Variants in RBFOX1 observed in about 807,000 individuals in gnomAD.
RBFOX1 encodes RNA binding protein fox-1 homolog 1.
RBFOX1 carries 8 observed loss-of-function variants against 57.7 expected under a neutral mutation model. The ratio of observed to expected loss-of-function variants is 0.14; its 90% CI spans 0.08 to 0.25. The LOEUF (loss-of-function observed/expected upper bound fraction) is 0.25, where lower values mean the gene tolerates loss of function less well. Ranked by LOEUF, RBFOX1 falls within the 10% of genes least tolerant of loss-of-function variation. The pLI is 1.00. For missense variants in RBFOX1, 611 were observed against 548.5 expected (o/e 1.11, Z -1.14); for synonymous variants, 326 against 222.4 (o/e 1.47, Z -4.15).
intron 3 of RBFOX1, among the ~76,000 whole-genome samples, chr16:6,837,888 C>T (rs796490629): frequency 1.1e-4 from 17 of 152,182 alleles, no homozygotes; most frequent in African/African-American, 3.9e-4. Context: ...AAAGCATGCC[C>T]AACAGCAACA....
intron 1 of RBFOX1, among the ~76,000 whole-genome samples, chr16:6,085,335 C>T (rs566307781): frequency 2.0e-5 from 3 of 152,304 alleles, no homozygotes; most frequent in East Asian, 1.9e-4. Context: ...TGCAGTGGTA[C>T]GATCTTGGCT....
At chr16:7,000,308 C>G (rs1435304818) in intron 3 of RBFOX1, among the ~76,000 whole-genome samples, 2 of 152,020 alleles carry the variant, frequency 1.3e-5, no homozygotes, top group South Asian at 4.1e-4. Context: ...GAAATTTAAA[C>G]ATGATCGATA....
intron 3 of RBFOX1, among the ~76,000 whole-genome samples, chr16:6,747,749 T>G (rs1435452496): frequency 6.6e-6 from 1 of 152,166 alleles, no homozygotes; most frequent in Non-Finnish European, 1.5e-5. Flanking sequence ...GACAGCAACT[T>G]GTGCAAAGAG....
intron 1 of RBFOX1, among the ~76,000 whole-genome samples, chr16:6,118,739 GTCCT>G (rs57245932): frequency 0.015 from 1,868 of 120,840 alleles, 35 homozygotes; most frequent in African/African-American, 0.056. Context: ...CTCTCTCTCT[GTCCT>G]TCCTTCCTTC....
intron 3 of RBFOX1, among the ~76,000 whole-genome samples, chr16:7,033,394 C>G (rs1322539493): frequency 6.6e-6 from 1 of 152,196 alleles, no homozygotes; most frequent in Non-Finnish European, 1.5e-5. Flanking sequence ...ATGGCACATG[C>G]CTGTAATCCC....
chr16:6,284,028 A>G (rs2076651693), intron 1 of RBFOX1, among the ~76,000 whole-genome samples: 1 of 152,150 alleles, frequency 6.6e-6, no homozygotes, highest in Non-Finnish European at 1.5e-5. Context: ...ATGGATGGAG[A>G]GAAAGGGCTT....
intron 1 of RBFOX1, among the ~76,000 whole-genome samples, chr16:5,362,762 T>TA (rs150081047): frequency 0.013 from 2,053 of 152,276 alleles, 42 homozygotes; most frequent in African/African-American, 0.046. Flanking sequence ...GTTTGACTGT[T>TA]AGAGAGTCAT....
At chr16:6,975,384 G>C (rs2086603039) in intron 3 of RBFOX1, among the ~76,000 whole-genome samples, 1 of 152,102 alleles carries the variant, frequency 6.6e-6, no homozygotes, top group Admixed American at 6.5e-5. Flanking sequence ...TCCTGCCTCA[G>C]CCTCCCAAGT....
intron 2 of RBFOX1, among the ~76,000 whole-genome samples, chr16:5,471,572 C>G (rs1025766792): frequency 1.3e-5 from 2 of 152,054 alleles, no homozygotes; most frequent in African/African-American, 4.8e-5. Flanking sequence ...GGTGCCCACC[C>G]CCGGAGAACC....
intron 4 of RBFOX1, among the ~76,000 whole-genome samples, chr16:7,261,853 C>A (rs2094931419): frequency 6.6e-6 from 1 of 152,152 alleles, no homozygotes; most frequent in Non-Finnish European, 1.5e-5. Context: ...GTCTTGGATT[C>A]ATTTGTTCAG....
rs1491466091 is a variant in RBFOX1 at position 6,019,703 on chromosome 16, A to AG, written c.-415dup. The AG allele has an allele frequency of 5.9e-6, 8 of 1,345,312 alleles. No individual in the cohort carries two copies. The highest frequency in any genetic ancestry group is 7.6e-6 in the Non-Finnish European group (8 of 1,048,352). 83.3% of individuals were successfully genotyped at this position (1,345,312 alleles called of 1,614,324 possible). A position where few individuals can be genotyped will look rare whatever the true frequency, so the allele number is the denominator to read the frequency against. Reference sequence around the variant, plus strand: ...AGAACTCCGAGCTTCTTGCCCAGGCAGAGAGAGCAGGAGCGGACCGCGCGC... The same window carrying AG: ...AGAACTCCGAGCTTCTTGCCCAGGCAGGAGAGAGCAGGAGCGGACCGCGCGC... On this transcript the variant is annotated 5_prime_UTR_variant, in exon 1 of 16. Transcript: ENST00000550418. The surrounding 1 kb of genome is among the most constrained non-coding windows in gnomAD (Gnocchi z 4.2).
chr16:5,569,883 A>C (rs1278289817), intron 2 of RBFOX1, among the ~76,000 whole-genome samples: 1 of 152,196 alleles, frequency 6.6e-6, no homozygotes, highest in Non-Finnish European at 1.5e-5. Context: ...CTGCGACATA[A>C]GAAGATCCTA....
intron 3 of RBFOX1, among the ~76,000 whole-genome samples, chr16:5,699,171 A>G (rs1268319912): frequency 6.6e-6 from 1 of 151,838 alleles, no homozygotes; most frequent in African/African-American, 2.4e-5. Flanking sequence ...TATTTTTAGT[A>G]GAGATGAGGT....
chr16:5,631,044 A>G (rs1172708062), intron 3 of RBFOX1, among the ~76,000 whole-genome samples: 1 of 152,242 alleles, frequency 6.6e-6, no homozygotes, highest in Non-Finnish European at 1.5e-5. Context: ...GGTTGTCCAC[A>G]ACAGATGGCC....
chr16:6,279,887 G>C (rs932070517), intron 1 of RBFOX1, among the ~76,000 whole-genome samples: 1 of 151,920 alleles, frequency 6.6e-6, no homozygotes, highest in African/African-American at 2.4e-5. Flanking sequence ...CTTGGTCTAG[G>C]TGAGGATTTT....
In RBFOX1 at chr16:5,946,551, A is replaced by G. The variant is rs1027548199; in HGVS notation, c.351+79216A>G. ...CCCTTCCCCGTATCTCACTCTATGC[A>G]TATTTTTTTCCAACTGGGTGTTCCT... On this transcript the variant is annotated intron_variant, in intron 4 of 19. Transcript: ENST00000641259. This position sits in a 1 kb window ranked among gnomAD's most constrained non-coding sequence, Gnocchi z 4.6. Among the ~76,000 whole-genome samples, 4 of 130,550 alleles carry G rather than the reference A, an allele frequency of 3.1e-5. No homozygotes were observed. The highest frequency in any genetic ancestry group is 2.5e-4 in the East Asian group (1 of 3,938). 85.6% of individuals were successfully genotyped at this position (130,550 alleles called of 152,430 possible).
At chr16:7,464,851 C>T (rs1217450944) in intron 4 of RBFOX1, among the ~76,000 whole-genome samples, 3 of 151,908 alleles carry the variant, frequency 2.0e-5, no homozygotes, top group Admixed American at 6.6e-5. Flanking sequence ...CGCCCGCCAC[C>T]ACGCCTGGCT....
chr16:5,499,291 A>G (rs1337247763), intron 2 of RBFOX1, among the ~76,000 whole-genome samples: 1 of 152,194 alleles, frequency 6.6e-6, no homozygotes, highest in East Asian at 1.9e-4. Context: ...TGACTTCTGT[A>G]GTGTGGCTGG....
chr16:6,423,424 C>T (rs1359962581), intron 2 of RBFOX1, among the ~76,000 whole-genome samples: 2 of 151,888 alleles, frequency 1.3e-5, no homozygotes, highest in African/African-American at 4.8e-5. Context: ...CATGGTGAGA[C>T]CCCGTCTCTA....
Sources: gnomAD v4.1 joint callset for allele counts (sites outside exome capture counted in the v4.1 genomes callset) on GRCh38, gnomAD v4.1.1 for gene constraint, Gnocchi (gnomAD v3.1) non-coding constraint, MANE v1.5 for transcripts, NCBI Gene and HGNC (gene_info 2026-07-23, HGNC 2026-07-21) for gene names.